Variants in XRCC4 observed in about 807,000 individuals in gnomAD.
XRCC4 encodes the protein X-ray repair cross complementing 4.
XRCC4 carries 28 observed loss-of-function variants against 39.1 expected under a neutral mutation model. The observed-to-expected ratio is 0.72, with a 90% CI of 0.53 to 0.98. XRCC4 has a LOEUF of 0.98. Ranked by LOEUF, XRCC4 falls within the 50% of genes least tolerant of loss-of-function variation. XRCC4 has a pLI of 0.00. For missense variants in XRCC4, 350 were observed against 376.4 expected (o/e 0.93, Z 0.58); for synonymous variants, 123 against 126.4 (o/e 0.97, Z 0.18).
At chr5:83,153,033 CAT>C (rs1490993259) in intron 3 of XRCC4, among the ~76,000 whole-genome samples, 1 of 152,122 alleles carries the variant, frequency 6.6e-6, no homozygotes, top group Non-Finnish European at 1.5e-5. Context: ...CCTGTTGTCC[CAT>C]TCCTAACCCC....
chr5:83,155,951 T>C (rs1748938693), intron 3 of XRCC4, among the ~76,000 whole-genome samples: 1 of 152,136 alleles, frequency 6.6e-6, no homozygotes, highest in South Asian at 2.1e-4. Context: ...ATTTGTCATA[T>C]AAATATTACT....
chr5:83,214,397 T>C (rs1209160811), intron 6 of XRCC4, among the ~76,000 whole-genome samples: 2 of 152,174 alleles, frequency 1.3e-5, no homozygotes, highest in Non-Finnish European at 2.9e-5. Flanking sequence ...TGTATTTCTA[T>C]ATGCTTGCAA....
At position 83,180,607 on chromosome 5, in the gene XRCC4, G is replaced by C. The variant is rs187835332; in HGVS notation, c.316-15163G>C. Among the ~76,000 whole-genome samples the C allele has an allele frequency of 2.1e-3, 327 of 152,180 alleles. 1 individual carries two copies. The highest frequency in any genetic ancestry group is 5.7e-3 in the Admixed American group (87 of 15,264). ...TGGTAACAATAAGAAAGAACCTACC[G>C]AATAGCATTTTTTTATTATTGTACA... On this transcript the variant is annotated intron_variant, in intron 3 of 7. Transcript: ENST00000396027.
intron 3 of XRCC4, among the ~76,000 whole-genome samples, chr5:83,125,010 T>G (rs937506318): frequency 1.3e-5 from 2 of 152,194 alleles, no homozygotes; most frequent in African/African-American, 4.8e-5. Context: ...TTTGTCAGAA[T>G]TTTTGCCTTT....
At chr5:83,259,366 A>C (rs1270939149) in intron 7 of XRCC4, 2 of 152,198 alleles carry the variant, frequency 1.3e-5, no homozygotes, top group Non-Finnish European at 2.9e-5. Flanking sequence ...TTCAGTAAAT[A>C]GTTATTGAAT....
At chr5:83,191,649 G>A (rs1465138762) in intron 3 of XRCC4, among the ~76,000 whole-genome samples, 1 of 152,098 alleles carries the variant, frequency 6.6e-6, no homozygotes, top group African/African-American at 2.4e-5. Flanking sequence ...GCAGTGAGCC[G>A]AGATCATGCC....
chr5:83,122,931 G>T (rs1747080243), intron 3 of XRCC4, among the ~76,000 whole-genome samples: 2 of 152,048 alleles, frequency 1.3e-5, no homozygotes, highest in Admixed American at 1.3e-4. Context: ...AATTTATTGG[G>T]ACTTGTATTA....
chr5:83,100,656 T>C (rs1449935543), intron 1 of XRCC4, among the ~76,000 whole-genome samples: 1 of 152,128 alleles, frequency 6.6e-6, no homozygotes, highest in Non-Finnish European at 1.5e-5. Context: ...TATGTTTGTA[T>C]GGAAATACTA....
At chr5:83,192,243 ACATAT>A (rs1750733453) in intron 3 of XRCC4, among the ~76,000 whole-genome samples, 1 of 67,040 alleles carries the variant, frequency 1.5e-5, no homozygotes, top group Non-Finnish European at 4.4e-5. Context: ...ATGTATATGT[ACATAT>A]TATATATACG....
At chr5:83,215,976 TA>T (rs149741874) in intron 6 of XRCC4, among the ~76,000 whole-genome samples, 3,620 of 151,794 alleles carry the variant, frequency 0.024, 76 homozygotes, top group East Asian at 0.071. Flanking sequence ...TTCGTCAAAA[TA>T]AAAAAAATTC....
intron 7 of XRCC4, among the ~76,000 whole-genome samples, chr5:83,344,453 T>C (rs994402613): frequency 7.1e-6 from 1 of 140,352 alleles, no homozygotes; most frequent in African/African-American, 2.8e-5. Context: ...AGACAGAGTC[T>C]CACTGTCTTG....
chr5:83,124,291 A>G (rs1180027910), intron 3 of XRCC4, among the ~76,000 whole-genome samples: 1 of 152,088 alleles, frequency 6.6e-6, no homozygotes, highest in Admixed American at 6.6e-5. Context: ...TATCCATCCA[A>G]TATAATCCCT....
chr5:83,185,377 A>C (rs1580342834), intron 3 of XRCC4, among the ~76,000 whole-genome samples: 1 of 147,436 alleles, frequency 6.8e-6, no homozygotes, highest in Non-Finnish European at 1.5e-5. Context: ...AAAAAAAAAA[A>C]CAACACTTTA....
intron 6 of XRCC4, among the ~76,000 whole-genome samples, chr5:83,224,494 T>A (rs1313941030): frequency 1.3e-5 from 2 of 152,168 alleles, no homozygotes; most frequent in Non-Finnish European, 2.9e-5. Flanking sequence ...GTTTTAGTTG[T>A]TCTTAGTAGT....
intron 7 of XRCC4, among the ~76,000 whole-genome samples, chr5:83,338,768 C>T (rs1051999703): frequency 2.0e-5 from 3 of 152,056 alleles, no homozygotes; most frequent in African/African-American, 7.2e-5. Flanking sequence ...AAAGATTTTA[C>T]AGTGGGAAAA....
intron 1 of XRCC4, among the ~76,000 whole-genome samples, chr5:83,103,600 A>G (rs1468783133): frequency 1.3e-5 from 2 of 152,202 alleles, no homozygotes; most frequent in African/African-American, 2.4e-5. Context: ...TGTATTTGCT[A>G]GAGTGTTTCT....
At chr5:83,333,477 T>C (rs1756499426) in intron 7 of XRCC4, among the ~76,000 whole-genome samples, 1 of 152,210 alleles carries the variant, frequency 6.6e-6, no homozygotes, top group Non-Finnish European at 1.5e-5. Flanking sequence ...ATTTATTTTA[T>C]GTGTAAGAAA....
At chr5:83,270,775 A>G (rs759248231) in intron 7 of XRCC4, among the ~76,000 whole-genome samples, 1 of 114,106 alleles carries the variant, frequency 8.8e-6, no homozygotes, top group Non-Finnish European at 1.7e-5. Flanking sequence ...AAAAATATAT[A>G]CATATATATA....
At chr5:83,161,982 G>A (rs557016853) in intron 3 of XRCC4, among the ~76,000 whole-genome samples, 4 of 152,132 alleles carry the variant, frequency 2.6e-5, no homozygotes, top group East Asian at 3.9e-4. Flanking sequence ...TGGCTAACAT[G>A]GTGAAACCCC....
Sources: allele counts gnomAD v4.1 joint callset (sites outside exome capture counted in the v4.1 genomes callset), GRCh38; gene constraint gnomAD v4.1.1; transcripts MANE v1.5; gene names NCBI Gene and HGNC (gene_info 2026-07-23, HGNC 2026-07-21).